Variants in AFG1L observed in about 807,000 individuals in gnomAD.
The protein encoded by AFG1L is AFG1-like ATPase.
Under a neutral mutation model 62.2 loss-of-function variants are expected in AFG1L, and 53 were observed. That is an observed-to-expected ratio of 0.85 (90% confidence interval 0.68 to 1.07). The LOEUF is 1.07. Among genes scored for constraint, AFG1L ranks in the 50% least tolerant of loss-of-function variants. AFG1L has a pLI of 0.00. For synonymous variants in AFG1L, 228 were observed against 210.3 expected, an observed-to-expected ratio of 1.08 and a Z score of -0.73; for missense variants, 555 against 590.5, an observed-to-expected ratio of 0.94 and a Z score of 0.62.
rs1336193856 is a variant in AFG1L at position 108,522,456 on chromosome 6, C to T, written c.*31C>T. 7 of 1,591,458 alleles carry T rather than the reference C, an allele frequency of 4.4e-6. No individual in the cohort carries two copies. Among genetic ancestry groups the T allele is most frequent in the Non-Finnish European group, 6.0e-6 (7 of 1,163,518 alleles). On this transcript the variant is annotated 3_prime_UTR_variant, in exon 13 of 13. Coordinates refer to ENST00000368977, the MANE Select transcript of AFG1L (RefSeq NM_145315.5). ...ACTTTTGCATAAATAAAACTCTAGACAAATGGTTAACGCAGGCAGAACTCC... is the reference window on the plus strand; with the variant it reads ...ACTTTTGCATAAATAAAACTCTAGATAAATGGTTAACGCAGGCAGAACTCC...
chr6:108,452,913 G>A (rs111328948), intron 8 of AFG1L, among the ~76,000 whole-genome samples: 39 of 152,214 alleles, frequency 2.6e-4, no homozygotes, highest in African/African-American at 5.3e-4. Context: ...TTTTTGTCTC[G>A]AGGGAGACAT....
intron 7 of AFG1L, among the ~76,000 whole-genome samples, chr6:108,422,952 C>T (rs1196772510): frequency 6.6e-6 from 1 of 152,040 alleles, no homozygotes; most frequent in South Asian, 2.1e-4. Context: ...AATAAAGTAG[C>T]CTTTTATACT....
intron 1 of AFG1L, among the ~76,000 whole-genome samples, chr6:108,306,693 T>G (rs1256118738): frequency 1.3e-5 from 2 of 152,214 alleles, no homozygotes; most frequent in Non-Finnish European, 2.9e-5. Context: ...CTTGTTAATG[T>G]CAGCAGTCTT....
chr6:108,426,526 C>G (rs1363693288), intron 7 of AFG1L, among the ~76,000 whole-genome samples: 1 of 151,932 alleles, frequency 6.6e-6, no homozygotes, highest in Non-Finnish European at 1.5e-5. Flanking sequence ...TCTTTTTCTC[C>G]CTAGGAATGA....
At position 108,522,465 on chromosome 6, in the gene AFG1L, A is replaced by C; in HGVS notation, c.*40A>C. ...TAAATAAAACTCTAGACAAATGGTT[A>C]ACGCAGGCAGAACTCCTTATTGTGG... On this transcript the variant is annotated 3_prime_UTR_variant, in exon 13 of 13. Transcript: ENST00000368977. The C allele has an allele frequency of 6.3e-7, 1 of 1,580,812 alleles. No homozygotes were observed. Among genetic ancestry groups the C allele is most frequent in the Non-Finnish European group, 8.6e-7 (1 of 1,156,418 alleles).
chr6:108,404,596 T>C (rs1158102912), intron 7 of AFG1L, among the ~76,000 whole-genome samples: 1 of 152,172 alleles, frequency 6.6e-6, no homozygotes, highest in Non-Finnish European at 1.5e-5. Context: ...TATCAATTAC[T>C]GAGAGACTTA....
chr6:108,478,294 G>A (rs1274933889), intron 10 of AFG1L, among the ~76,000 whole-genome samples: 1 of 152,156 alleles, frequency 6.6e-6, no homozygotes, highest in African/African-American at 2.4e-5. Context: ...AAAATTAGCC[G>A]GGCGTTGTGG....
At chr6:108,441,710 A>ATATAT (rs1554198366) in intron 7 of AFG1L, among the ~76,000 whole-genome samples, 53 of 117,522 alleles carry the variant, frequency 4.5e-4, no homozygotes, top group Middle Eastern at 8.7e-3. Flanking sequence ...TTAAAAAAAA[A>ATATAT]AAATATATAT....
In AFG1L at chr6:108,346,378, T is replaced by A. The variant is rs937534475; in HGVS notation, c.364-610T>A. On this transcript the variant is annotated intron_variant, in intron 2 of 12. Transcript: ENST00000368977. Reference sequence around the variant, plus strand: ...ACCCCTTTTTCTACTTTTTTTTTTTTAAATTGAGATGGGGTCTTGCTCTGT... The same window carrying A: ...ACCCCTTTTTCTACTTTTTTTTTTTAAAATTGAGATGGGGTCTTGCTCTGT... 1.1e-4 allele frequency among the ~76,000 whole-genome samples: 16 copies of A among 151,982 alleles called. No individual in the cohort carries two copies. The East Asian group carries it at 1.2e-3, about 11-fold the overall frequency.
intron 2 of AFG1L, among the ~76,000 whole-genome samples, chr6:108,329,147 C>T (rs1314385872): frequency 2.0e-5 from 3 of 149,524 alleles, no homozygotes; most frequent in Admixed American, 1.3e-4. Context: ...TGCCATGTTG[C>T]CCAGGCTGGT....
At chr6:108,308,822 C>A (rs2114834130) in intron 1 of AFG1L, among the ~76,000 whole-genome samples, 1 of 152,240 alleles carries the variant, frequency 6.6e-6, no homozygotes, top group South Asian at 2.1e-4. Flanking sequence ...TCTTCTGACT[C>A]AGCTTCCTGA....
rs541473290 is a variant in AFG1L, at chr6:108,303,437, G to A, written c.139+8219G>A. 7.2e-5 allele frequency among the ~76,000 whole-genome samples: 11 copies of A among 152,264 alleles called. No individual in the cohort carries two copies. The East Asian group carries it at 7.7e-4, about 11-fold the overall frequency. ...TAGCTCTATCTTCTCTCCTAAAAGC[G>A]TTATGGATGCTAGCTCTTCCTGGTG... On this transcript the variant is annotated intron_variant, in intron 1 of 12. Coordinates refer to ENST00000368977, the MANE Select transcript of AFG1L (RefSeq NM_145315.5).
At chr6:108,465,778 A>G (rs1772641726) in intron 8 of AFG1L, among the ~76,000 whole-genome samples, 1 of 151,910 alleles carries the variant, frequency 6.6e-6, no homozygotes, top group Admixed American at 6.5e-5. Flanking sequence ...GTGTATCATG[A>G]CAATTGAGAA....
In AFG1L at chr6:108,513,447, C is replaced by T. The variant is rs544460924; in HGVS notation, c.1203+3095C>T. Among the ~76,000 whole-genome samples, 48 of 152,320 alleles carry T rather than the reference C, an allele frequency of 3.2e-4. 1 individual carries two copies. The South Asian group carries it at 8.7e-3, about 28-fold the overall frequency. On this transcript the variant is annotated intron_variant, in intron 11 of 12. Coordinates refer to ENST00000368977, the MANE Select transcript of AFG1L (RefSeq NM_145315.5). ...GCGCTTTTCCAACAGTCTTAGCAAA[C>T]GGCACACCAGGAGATTATATCCCGC... is the stretch of plus-strand genomic sequence containing the variant.
intron 9 of AFG1L, 89 bp downstream of exon 9, chr6:108,477,024 T>C (rs1773133490): frequency 2.5e-6 from 3 of 1,208,050 alleles, no homozygotes; most frequent in Non-Finnish European, 3.7e-6. Flanking sequence ...CATTGCTGTA[T>C]ATGGGTTGAT....
chr6:108,417,451 C>T (rs1011046473), intron 7 of AFG1L, among the ~76,000 whole-genome samples: 1 of 151,914 alleles, frequency 6.6e-6, no homozygotes, highest in Admixed American at 6.6e-5. Flanking sequence ...TGGGAAAGGA[C>T]GTTTACCATG....
chr6:108,507,347 C>T (rs1476189356), intron 10 of AFG1L, among the ~76,000 whole-genome samples: 1 of 152,186 alleles, frequency 6.6e-6, no homozygotes, highest in African/African-American at 2.4e-5. Context: ...TTCCGCATTC[C>T]CCCAATGACT....
intron 5 of AFG1L, among the ~76,000 whole-genome samples, chr6:108,360,840 G>T (rs1381473458): frequency 3.3e-5 from 5 of 152,126 alleles, no homozygotes; most frequent in African/African-American, 1.2e-4. Flanking sequence ...AACTCAAGAG[G>T]TTGAAATATA....
At chr6:108,399,769 CTTTTTTT>C (rs757924406) in intron 6 of AFG1L, among the ~76,000 whole-genome samples, 2,227 of 42,454 alleles carry the variant, frequency 0.052, 35 homozygotes, top group Middle Eastern at 0.081. Flanking sequence ...AAGTATCTCT[CTTTTTTT>C]TTTTTTTTTT....
Sources: gnomAD v4.1 joint callset for allele counts (sites outside exome capture counted in the v4.1 genomes callset) on GRCh38, gnomAD v4.1.1 for gene constraint, MANE v1.5 for transcripts, NCBI Gene and HGNC (gene_info 2026-07-23, HGNC 2026-07-21) for gene names.